Variants in ARHGAP40 observed in about 807,000 individuals in gnomAD.
ARHGAP40 encodes the protein Rho GTPase activating protein 40.
Under a neutral mutation model 73.5 loss-of-function variants are expected in ARHGAP40, and 43 were observed. That is an observed-to-expected ratio of 0.58 (90% CI 0.46 to 0.75). The LOEUF (loss-of-function observed/expected upper bound fraction) is 0.75. Among genes scored for constraint, ARHGAP40 ranks in the 30% least tolerant of loss-of-function variants. The probability of loss-of-function intolerance (pLI) is 0.00; values close to 1 mark genes in which losing one functional copy is unlikely to be tolerated. For missense variants in ARHGAP40, 734 were observed against 861.8 expected (o/e 0.85, Z 1.86); for synonymous variants, 300 against 352.8 (o/e 0.85, Z 1.68).
At chr20:38,628,968 C>T in exon 4 of ARHGAP40, 1 of 1,304,956 alleles carries the variant, frequency 7.7e-7, no homozygotes, top group Non-Finnish European at 1.0e-6. Context: ...TGAAGGGGGC[C>T]CAGCTCAGTT....
intron 1 of ARHGAP40, chr20:38,614,862 C>G (rs1184955932): frequency 1.8e-5 from 19 of 1,068,296 alleles, no homozygotes; most frequent in Non-Finnish European, 2.7e-5. Flanking sequence ...AGTACCTCAT[C>G]ACGTCCTGAG....
intron 1 of ARHGAP40, among the ~76,000 whole-genome samples, chr20:38,618,389 G>A (rs950695335): frequency 6.6e-6 from 1 of 152,280 alleles, no homozygotes; most frequent in East Asian, 1.9e-4. Context: ...TTACAGGTGT[G>A]AGCCACCGCA....
At chr20:38,620,982 G>T (rs2145600354) in intron 1 of ARHGAP40, among the ~76,000 whole-genome samples, 1 of 152,326 alleles carries the variant, frequency 6.6e-6, no homozygotes, top group South Asian at 2.1e-4. Context: ...TTTTGAGATG[G>T]TGACAGCAGT....
chr20:38,623,446 T>G (rs910530698), exon 2 of ARHGAP40: 2 of 1,290,972 alleles, frequency 1.5e-6, no homozygotes, highest in Non-Finnish European at 2.0e-6. Flanking sequence ...GCTGTTCCAC[T>G]GGAGTGGAGA....
chr20:38,629,492 CG>C lies in ARHGAP40; in HGVS notation c.635-9del. 13 of 1,305,234 alleles carry C rather than the reference CG, an allele frequency of 1.0e-5. No homozygotes were observed. Among genetic ancestry groups the C allele is most frequent in the Non-Finnish European group, 1.3e-5 (13 of 988,898 alleles). The allele number at this position is 1,305,234 out of a possible 1,614,324, so 80.9% of individuals were successfully genotyped here. A position where few individuals can be genotyped will look rare whatever the true frequency, so the allele number is the denominator to read the frequency against. On this transcript the variant is annotated splice_polypyrimidine_tract_variant and intron_variant, in intron 4 of 14. Transcript: ENST00000373345. ...CTGCCTTTCTCTGCTTTGTTTCCCC[CG>C]CCCCGCAGCAGCAGAGCCTGGGGGG...
chr20:38,642,104 T>C (rs752830040), intron 10 of ARHGAP40, among the ~76,000 whole-genome samples: 1 of 152,136 alleles, frequency 6.6e-6, no homozygotes, highest in Non-Finnish European at 1.5e-5. Flanking sequence ...GAAACAAGGT[T>C]AAGAATACTT....
At chr20:38,609,803 G>T (rs1448209403) in intron 1 of ARHGAP40, among the ~76,000 whole-genome samples, 3 of 152,252 alleles carry the variant, frequency 2.0e-5, no homozygotes, top group Admixed American at 2.0e-4. Flanking sequence ...ACACTGGCTG[G>T]AGCAGAGAGT....
At chr20:38,613,645 T>C (rs2088816876) in intron 1 of ARHGAP40, among the ~76,000 whole-genome samples, 1 of 152,186 alleles carries the variant, frequency 6.6e-6, no homozygotes, top group Admixed American at 6.5e-5. Context: ...GGGCCCAGCG[T>C]GGGTCCTCTG....
chr20:38,618,332 C>T (rs111348918), intron 1 of ARHGAP40, among the ~76,000 whole-genome samples: 96 of 152,250 alleles, frequency 6.3e-4, no homozygotes, highest in African/African-American at 2.2e-3. Context: ...TGTTCTTGAA[C>T]TCCTGACCTT....
At chr20:38,635,417 A>T (rs1004061728) in intron 6 of ARHGAP40, among the ~76,000 whole-genome samples, 1 of 152,158 alleles carries the variant, frequency 6.6e-6, no homozygotes, top group Non-Finnish European at 1.5e-5. Flanking sequence ...TAATGCCAAC[A>T]ATTTGGGAGG....
At chr20:38,642,710 A>G (rs2089026684) in intron 10 of ARHGAP40, among the ~76,000 whole-genome samples, 1 of 144,324 alleles carries the variant, frequency 6.9e-6, no homozygotes, top group Admixed American at 7.0e-5. Flanking sequence ...TTCTTTCTCC[A>G]TTCATCCATC....
chr20:38,627,950 G>A (rs995262006), intron 3 of ARHGAP40, among the ~76,000 whole-genome samples: 1 of 152,214 alleles, frequency 6.6e-6, no homozygotes, highest in Non-Finnish European at 1.5e-5. Context: ...GAATTCAAGA[G>A]TGAGCTGGTG....
At chr20:38,615,108 C>T in intron 1 of ARHGAP40, 4 of 951,786 alleles carry the variant, frequency 4.2e-6, no homozygotes, top group South Asian at 2.6e-5. Flanking sequence ...ACGAGTGTCC[C>T]ATATATCCTT....
At chr20:38,640,218 C>CTTTT (rs1332037073) in intron 9 of ARHGAP40, among the ~76,000 whole-genome samples, 3 of 91,096 alleles carry the variant, frequency 3.3e-5, no homozygotes, top group East Asian at 5.5e-4. Flanking sequence ...TTCTTTCTTT[C>CTTTT]TTTTTTTTTT....
intron 7 of ARHGAP40, among the ~76,000 whole-genome samples, chr20:38,638,438 ATTTTC>A (rs2088991891): frequency 6.6e-6 from 1 of 151,956 alleles, no homozygotes; most frequent in Admixed American, 6.6e-5. Flanking sequence ...CTTGGGGTGG[ATTTTC>A]TTTTCTTTTC....
At chr20:38,628,974 C>G in exon 4 of ARHGAP40, 2 of 1,305,122 alleles carry the variant, frequency 1.5e-6, no homozygotes, top group Non-Finnish European at 2.0e-6. Flanking sequence ...GGGCCCAGCT[C>G]AGTTCCGGGG....
chr20:38,603,314 C>T (rs746204092), intron 1 of ARHGAP40, among the ~76,000 whole-genome samples: 8 of 152,178 alleles, frequency 5.3e-5, no homozygotes, highest in South Asian at 2.1e-4. Flanking sequence ...CTCCTATGTG[C>T]GTGGGGCTCT....
Position 38,607,311 on chromosome 20 carries a change from C to T in ARHGAP40, c.137+5232C>T, listed in dbSNP as rs560188251. ...CTTCATTTGTGGAATCAGTGCCATTCAGATAGTGGCTGCCGTTCACACTCA... is the reference window on the plus strand; with the variant it reads ...CTTCATTTGTGGAATCAGTGCCATTTAGATAGTGGCTGCCGTTCACACTCA... On this transcript the variant is annotated intron_variant, in intron 1 of 14. Transcript: ENST00000373345. Among the ~76,000 whole-genome samples the T allele has an allele frequency of 1.1e-4, 16 of 152,328 alleles. No individual in the cohort carries two copies. In the South Asian group the frequency reaches 3.1e-3, roughly 30 times the overall value.
At chr20:38,615,373 C>T (rs2088829675) in intron 1 of ARHGAP40, 2 of 746,472 alleles carry the variant, frequency 2.7e-6, no homozygotes, top group East Asian at 2.5e-5. Context: ...GGTTAAAAGG[C>T]CCCAGGTACC....
Sources: allele counts gnomAD v4.1 joint callset (sites outside exome capture counted in the v4.1 genomes callset), GRCh38; gene constraint gnomAD v4.1.1; transcripts MANE v1.5; gene names NCBI Gene and HGNC (gene_info 2026-07-23, HGNC 2026-07-21).